The following KCNIP4 variants were observed in gnomAD, a reference collection of about 807,000 sequenced individuals.
KCNIP4 encodes potassium voltage-gated channel interacting protein 4, also known as Kv channel-interacting protein 4.
Under a neutral mutation model 34.0 loss-of-function variants are expected in KCNIP4, and 12 were observed. That is an observed-to-expected ratio of 0.35 (90% CI 0.23 to 0.57). The LOEUF (loss-of-function observed/expected upper bound fraction) is 0.57, where lower values mean the gene tolerates loss of function less well. Ranked by LOEUF, KCNIP4 falls within the 20% of genes least tolerant of loss-of-function variation. The pLI, the probability that KCNIP4 is intolerant of heterozygous loss-of-function variation, is 0.83. For missense variants in KCNIP4, 238 were observed against 311.7 expected, an observed-to-expected ratio of 0.76 and a Z score of 1.78; for synonymous variants, 124 against 102.2, an observed-to-expected ratio of 1.21 and a Z score of -1.29.
At chr4:21,258,753 A>G (rs1205028296) in intron 1 of KCNIP4, among the ~76,000 whole-genome samples, 1 of 152,070 alleles carries the variant, frequency 6.6e-6, no homozygotes. Context: ...TTAAAACTTA[A>G]ATCGCTTCCC....
At chr4:20,973,146 C>T (rs2149680056) in intron 1 of KCNIP4, among the ~76,000 whole-genome samples, 1 of 152,298 alleles carries the variant, frequency 6.6e-6, no homozygotes, top group East Asian at 1.9e-4. Context: ...AGCTATGAAA[C>T]TTTTAGACAA....
intron 1 of KCNIP4, among the ~76,000 whole-genome samples, chr4:21,629,828 T>C (rs192698299): frequency 3.6e-4 from 52 of 144,784 alleles, no homozygotes; most frequent in African/African-American, 1.3e-3. Context: ...CAGAAAACCA[T>C]ATTTCCTTTT....
chr4:21,667,583 C>T (rs1749093532), intron 1 of KCNIP4, among the ~76,000 whole-genome samples: 1 of 152,170 alleles, frequency 6.6e-6, no homozygotes, highest in African/African-American at 2.4e-5. Flanking sequence ...AATTTCAAGT[C>T]TATGATGATT....
chr4:20,833,493 T>C (rs1718673715), intron 3 of KCNIP4, among the ~76,000 whole-genome samples: 1 of 151,704 alleles, frequency 6.6e-6, no homozygotes, highest in Non-Finnish European at 1.5e-5. Flanking sequence ...TCAATAATAA[T>C]AATAATAATA....
Position 21,868,757 on chromosome 4 carries a change from T to C in KCNIP4, c.61+79814A>G, listed in dbSNP as rs540671815. ...CTGAAACACATTTCAGGAAATACAA[T>C]TTAGAAAACATTTACAAAGGCAGGT... On this transcript the variant is annotated intron_variant, in intron 1 of 8. Transcript: ENST00000382152. 2.6e-5 allele frequency among the ~76,000 whole-genome samples: 4 copies of C among 152,272 alleles called. No individual in the cohort carries two copies. The South Asian group carries it at 6.2e-4, about 24-fold the overall frequency.
rs893764217 is a variant in KCNIP4, at chr4:21,490,680, A to T, written c.61+457891T>A. Among the ~76,000 whole-genome samples the T allele has an allele frequency of 3.3e-5, 5 of 151,836 alleles. No individual in the cohort carries two copies. The South Asian group carries it at 6.2e-4, about 19-fold the overall frequency. On this transcript the variant is annotated intron_variant, in intron 1 of 8. Transcript: ENST00000382152. ...CACTATTCATTTAATATCTGAAAAA[A>T]CTCTTTGTAACAAAAGGTTTTTACT...
intron 3 of KCNIP4, among the ~76,000 whole-genome samples, chr4:20,835,302 T>A (rs1718902945): frequency 6.6e-6 from 1 of 152,062 alleles, no homozygotes; most frequent in Non-Finnish European, 1.5e-5. Context: ...CAGGACTAAA[T>A]CCTTTTGTCT....
At chr4:21,436,531 C>T (rs770873248) in intron 1 of KCNIP4, among the ~76,000 whole-genome samples, 10 of 152,220 alleles carry the variant, frequency 6.6e-5, no homozygotes, top group Non-Finnish European at 1.2e-4. Flanking sequence ...ATTCCCTTCT[C>T]GCCACATCTC....
At chr4:21,582,034 AATGGAATGGAATG>A (rs1560534555) in intron 1 of KCNIP4, 200 of 118,240 alleles carry the variant, frequency 1.7e-3, no homozygotes, top group African/African-American at 6.2e-3. Flanking sequence ...AATAGAATGG[AATGGAATGGAATG>A]GAATGGAATG....
intron 1 of KCNIP4, among the ~76,000 whole-genome samples, chr4:21,071,705 C>T (rs1744942366): frequency 6.6e-6 from 1 of 151,942 alleles, no homozygotes; most frequent in Non-Finnish European, 1.5e-5. Flanking sequence ...AGGTTTGTTA[C>T]ATATGTATAC....
intron 1 of KCNIP4, among the ~76,000 whole-genome samples, chr4:21,319,088 A>G (rs1391006600): frequency 2.0e-5 from 3 of 152,206 alleles, no homozygotes; most frequent in Non-Finnish European, 4.4e-5. Context: ...GCGCTAAAAT[A>G]CATTCAACGA....
intron 1 of KCNIP4, among the ~76,000 whole-genome samples, chr4:21,253,891 T>C (rs922418412): frequency 6.6e-6 from 1 of 152,164 alleles, no homozygotes; most frequent in African/African-American, 2.4e-5. Flanking sequence ...ATTACTGATA[T>C]GCTACAACAT....
intron 1 of KCNIP4, among the ~76,000 whole-genome samples, chr4:20,905,505 C>CTTTTTT (rs1182454951): frequency 0.018 from 654 of 36,784 alleles, 23 homozygotes; most frequent in African/African-American, 0.046. Context: ...TGAACGTTTT[C>CTTTTTT]TTTCTTTTTT....
At chr4:21,377,166 G>T (rs547754223) in intron 1 of KCNIP4, among the ~76,000 whole-genome samples, 1 of 152,230 alleles carries the variant, frequency 6.6e-6, no homozygotes, top group South Asian at 2.1e-4. Context: ...TAAATAAATT[G>T]CATCCATTCT....
At position 20,989,550 on chromosome 4, in the gene KCNIP4, G is replaced by A. The variant is rs559768499; in HGVS notation, c.62-106841C>T. ...TCTCAGTCAATAGAAGCTAAGAGAA[G>A]CAAGCCATCAGGATGGTTGGCATTA... On this transcript the variant is annotated intron_variant, in intron 1 of 8. Coordinates refer to ENST00000382152, the MANE Select transcript of KCNIP4 (RefSeq NM_025221.6). Among the ~76,000 whole-genome samples, 9 of 152,280 alleles carry A rather than the reference G, an allele frequency of 5.9e-5. No individual in the cohort carries two copies. In the South Asian group the frequency reaches 1.9e-3, roughly 32 times the overall value.
At chr4:21,553,047 G>A (rs922536835) in intron 1 of KCNIP4, among the ~76,000 whole-genome samples, 1 of 151,740 alleles carries the variant, frequency 6.6e-6, no homozygotes, top group African/African-American at 2.4e-5. Context: ...TGAGGGGGGA[G>A]TCTCTCTTAA....
chr4:20,795,992 C>A (rs1001684800), intron 3 of KCNIP4, among the ~76,000 whole-genome samples: 6 of 151,950 alleles, frequency 3.9e-5, no homozygotes, highest in Non-Finnish European at 7.4e-5. Context: ...ATTGATATAC[C>A]CTCATGCAAA....
At chr4:21,380,659 G>A (rs1721420848) in intron 1 of KCNIP4, among the ~76,000 whole-genome samples, 2 of 152,008 alleles carry the variant, frequency 1.3e-5, no homozygotes, top group Admixed American at 1.3e-4. Context: ...GGCCATGAAT[G>A]AAGAAAATGA....
chr4:20,906,944 T>C (rs1165561550), intron 1 of KCNIP4, among the ~76,000 whole-genome samples: 2 of 152,178 alleles, frequency 1.3e-5, no homozygotes, highest in Admixed American at 6.5e-5. Flanking sequence ...GGGCATTGAG[T>C]TAAGTTTTAG....
Sources: gnomAD v4.1 joint callset for allele counts (sites outside exome capture counted in the v4.1 genomes callset) on GRCh38, gnomAD v4.1.1 for gene constraint, MANE v1.5 for transcripts, NCBI Gene and HGNC (gene_info 2026-07-23, HGNC 2026-07-21) for gene names.